The following FAAH2 variants were observed in gnomAD, a reference collection of about 807,000 sequenced individuals.
FAAH2 encodes fatty-acid amide hydrolase 2.
In FAAH2, 60 loss-of-function variants were observed where a neutral mutation model predicts 36.9. The ratio of observed to expected loss-of-function variants is 1.63; its 90% CI spans 1.32 to 2.02. FAAH2 has a LOEUF of 2.02. Among genes scored for constraint, FAAH2 ranks in the 30% most tolerant of loss-of-function variants. The pLI, the probability that FAAH2 is intolerant of heterozygous loss-of-function variation, is 0.00. For missense variants in FAAH2, 689 were observed against 397.5 expected, an observed-to-expected ratio of 1.73 and a Z score of -6.23; for synonymous variants, 214 against 143.8, an observed-to-expected ratio of 1.49 and a Z score of -3.49.
the FAAH2 span, among the ~76,000 whole-genome samples, chrX:57,151,404 G>A: frequency 8.9e-6 from 1 of 111,918 alleles, no homozygotes; most frequent in Non-Finnish European, 1.9e-5. Context: ...ACACCAATCA[G>A]ACATAGATTT....
chrX:57,196,550 T>A, the FAAH2 span, among the ~76,000 whole-genome samples: 3 of 111,704 alleles, frequency 2.7e-5, no homozygotes, highest in Non-Finnish European at 5.6e-5. Context: ...GGATACCCTT[T>A]ATTTCTTTCT....
intron 7 of FAAH2, among the ~76,000 whole-genome samples, chrX:57,416,883 C>A (rs762899255): frequency 1.8e-5 from 2 of 112,232 alleles, no homozygotes; most frequent in South Asian, 7.5e-4. Flanking sequence ...TAGGTTTGGT[C>A]TTTTCACATA....
At chrX:57,237,856 T>C in the FAAH2 span, among the ~76,000 whole-genome samples, 1 of 111,524 alleles carries the variant, frequency 9.0e-6, no homozygotes, top group African/African-American at 3.3e-5. Context: ...AACAGACACT[T>C]TTCAAAAGAA....
intron 10 of FAAH2, among the ~76,000 whole-genome samples, chrX:57,481,339 A>C (rs1305079020): frequency 8.1e-5 from 9 of 110,856 alleles, no homozygotes; most frequent in African/African-American, 3.0e-4. Flanking sequence ...TGGAATTTTC[A>C]GTGCTTTTGT....
chrX:57,258,921 C>T, the FAAH2 span, among the ~76,000 whole-genome samples: 2 of 108,242 alleles, frequency 1.8e-5, no homozygotes, highest in East Asian at 5.8e-4. Flanking sequence ...GAGCTTTCAC[C>T]GTGTTAGCCA....
chrX:57,159,464 ACC>A, the FAAH2 span, among the ~76,000 whole-genome samples: 2 of 111,305 alleles, frequency 1.8e-5, no homozygotes, highest in African/African-American at 6.5e-5. Context: ...GATTCTTCCT[ACC>A]CATGAGCATG....
chrX:57,300,382 T>A (rs1413180880), intron 2 of FAAH2, among the ~76,000 whole-genome samples: 1 of 111,807 alleles, frequency 8.9e-6, no homozygotes, highest in African/African-American at 3.2e-5. Flanking sequence ...AATAAATGGT[T>A]CTGTGAAAAC....
intron 7 of FAAH2, among the ~76,000 whole-genome samples, chrX:57,401,362 C>T (rs1394176314): frequency 3.6e-5 from 4 of 110,845 alleles, no homozygotes; most frequent in African/African-American, 1.3e-4. Flanking sequence ...TCTTCAAAGG[C>T]AAACAAGAAT....
chrX:57,272,667 G>C, the FAAH2 span, among the ~76,000 whole-genome samples: 3 of 112,098 alleles, frequency 2.7e-5, no homozygotes, highest in African/African-American at 9.7e-5. Context: ...AGCTTCATAA[G>C]TGAAGAAGAA....
At chrX:57,172,977 A>G in the FAAH2 span, among the ~76,000 whole-genome samples, 7 of 111,871 alleles carry the variant, frequency 6.3e-5, no homozygotes, top group Non-Finnish European at 1.3e-4. Context: ...GAAATGCTAC[A>G]TTTGAGCAGG....
At chrX:57,362,836 C>A (rs1391170863) in intron 5 of FAAH2, among the ~76,000 whole-genome samples, 1 of 111,855 alleles carries the variant, frequency 8.9e-6, no homozygotes, top group Non-Finnish European at 1.9e-5. Flanking sequence ...ATAGGTACTT[C>A]ATTCCCCATT....
the FAAH2 span, among the ~76,000 whole-genome samples, chrX:57,230,026 A>C: frequency 8.9e-6 from 1 of 111,870 alleles, no homozygotes; most frequent in East Asian, 2.8e-4. Context: ...AAGTTTTATA[A>C]TTAGGGATCT....
chrX:57,303,128 G>A (rs969066326), intron 2 of FAAH2, among the ~76,000 whole-genome samples: 3 of 111,443 alleles, frequency 2.7e-5, no homozygotes, highest in African/African-American at 9.8e-5. Flanking sequence ...CTCCATCCTT[G>A]GAAAGAACAG....
chrX:57,402,268 G>A (rs569623047), intron 7 of FAAH2, among the ~76,000 whole-genome samples: 105 of 112,057 alleles, frequency 9.4e-4, no homozygotes, highest in African/African-American at 3.4e-3. Flanking sequence ...GGATGAGGGG[G>A]CAGCTTATTT....
intron 8 of FAAH2, among the ~76,000 whole-genome samples, chrX:57,442,786 C>T (rs2056590757): frequency 9.0e-6 from 1 of 111,578 alleles, no homozygotes; most frequent in African/African-American, 3.3e-5. Context: ...CCTTCAGGAG[C>T]TCTTGTAAGG....
chrX:57,432,178 A>G, intron 8 of FAAH2, 141 bp downstream of exon 8: 1 of 453,241 alleles, frequency 2.2e-6, no homozygotes. Context: ...TAAAGAAAGC[A>G]CAGTTTGGTG....
the FAAH2 span, among the ~76,000 whole-genome samples, chrX:57,181,835 G>A: frequency 2.7e-5 from 3 of 111,524 alleles, no homozygotes; most frequent in Non-Finnish European, 5.7e-5. Flanking sequence ...CTATACTATA[G>A]GGCTGCAATA....
At chrX:57,429,897 C>T (rs944984842) in intron 7 of FAAH2, among the ~76,000 whole-genome samples, 4 of 109,824 alleles carry the variant, frequency 3.6e-5, no homozygotes, top group African/African-American at 1.3e-4. Flanking sequence ...ATCAATGGAA[C>T]TGGAGGCCAT....
chrX:57,376,312 T>G (rs755957878), intron 5 of FAAH2, among the ~76,000 whole-genome samples: 40 of 111,310 alleles, frequency 3.6e-4, no homozygotes, highest in African/African-American at 1.2e-3. Context: ...GGTGTATACG[T>G]GCCATGGTGG....
Sources: gnomAD v4.1 joint callset for allele counts (sites outside exome capture counted in the v4.1 genomes callset) on GRCh38, gnomAD v4.1.1 for gene constraint, MANE v1.5 for transcripts, NCBI Gene and HGNC (gene_info 2026-07-23, HGNC 2026-07-21) for gene names.